The following SKAP2 variants were observed in gnomAD, a reference collection of about 807,000 sequenced individuals.
SKAP2 encodes the protein src kinase associated phosphoprotein 2, also known as src kinase-associated phosphoprotein 2.
Under a neutral mutation model 54.9 loss-of-function variants are expected in SKAP2, and 28 were observed. That is an observed-to-expected ratio of 0.51 (90% CI 0.38 to 0.70). SKAP2 has a LOEUF of 0.70. SKAP2 is among the 30% of genes least tolerant of loss of function. SKAP2 has a pLI of 0.00. For synonymous variants in SKAP2, 137 were observed against 134.3 expected (o/e 1.02, Z -0.14); for missense variants, 356 against 424.1 (o/e 0.84, Z 1.41).
intron 4 of SKAP2, among the ~76,000 whole-genome samples, chr7:26,741,845 G>A (rs570151204): frequency 4.6e-5 from 7 of 151,750 alleles, no homozygotes; most frequent in Admixed American, 1.3e-4. Context: ...ATACCATGGG[G>A]ATCACAGTAG....
At chr7:26,783,027 A>G (rs1022341740) in intron 4 of SKAP2, among the ~76,000 whole-genome samples, 1 of 152,196 alleles carries the variant, frequency 6.6e-6, no homozygotes, top group African/African-American at 2.4e-5. Flanking sequence ...CCTGAAATAC[A>G]TATGATTAAC....
At chr7:26,795,540 C>A (rs148307522) in intron 4 of SKAP2, among the ~76,000 whole-genome samples, 44 of 152,194 alleles carry the variant, frequency 2.9e-4, no homozygotes, top group African/African-American at 1.0e-3. Flanking sequence ...TAGCAAGATA[C>A]GATTCTCAGC....
intron 4 of SKAP2, among the ~76,000 whole-genome samples, chr7:26,785,866 C>T (rs1783532859): frequency 6.6e-6 from 1 of 152,182 alleles, no homozygotes; most frequent in Non-Finnish European, 1.5e-5. Flanking sequence ...CAGTAATATG[C>T]TCCATCTACC....
intron 9 of SKAP2, among the ~76,000 whole-genome samples, chr7:26,713,804 T>C (rs1584346436): frequency 6.6e-6 from 1 of 152,160 alleles, no homozygotes; most frequent in East Asian, 1.9e-4. Context: ...TTTCACTGTG[T>C]TAGCCAGGAT....
intron 4 of SKAP2, among the ~76,000 whole-genome samples, chr7:26,750,515 T>G (rs1200997324): frequency 6.6e-6 from 1 of 152,068 alleles, no homozygotes; most frequent in East Asian, 1.9e-4. Context: ...TTCACCATGT[T>G]GGCCAGGCTG....
intron 9 of SKAP2, among the ~76,000 whole-genome samples, chr7:26,717,402 T>C (rs1029846545): frequency 6.8e-6 from 1 of 148,136 alleles, no homozygotes; most frequent in Admixed American, 6.8e-5. Flanking sequence ...TCCAGCTACT[T>C]AGGAGGCTGA....
intron 4 of SKAP2, among the ~76,000 whole-genome samples, chr7:26,793,156 T>G (rs1783704748): frequency 6.6e-6 from 1 of 152,216 alleles, no homozygotes; most frequent in Admixed American, 6.5e-5. Context: ...TTCCCTAGTC[T>G]GACAGACTTA....
intron 4 of SKAP2, among the ~76,000 whole-genome samples, chr7:26,822,708 T>C (rs1009274124): frequency 5.4e-5 from 8 of 148,690 alleles, no homozygotes; most frequent in African/African-American, 2.0e-4. Context: ...ACCCCGTCTC[T>C]ACTAAAAATA....
chr7:26,693,110 T>C (rs1786821147), intron 9 of SKAP2, among the ~76,000 whole-genome samples: 1 of 152,030 alleles, frequency 6.6e-6, no homozygotes, highest in African/African-American at 2.4e-5. Flanking sequence ...GGCGGGTGGA[T>C]CACCTGAGAT....
At chr7:26,761,492 T>G (rs1318817766) in intron 4 of SKAP2, among the ~76,000 whole-genome samples, 1 of 152,220 alleles carries the variant, frequency 6.6e-6, no homozygotes, top group African/African-American at 2.4e-5. Flanking sequence ...TCAGTGGAAT[T>G]TGCTATAAAG....
chr7:26,686,356 A>G (rs1350580076), intron 10 of SKAP2, among the ~76,000 whole-genome samples: 1 of 152,078 alleles, frequency 6.6e-6, no homozygotes, highest in Non-Finnish European at 1.5e-5. Flanking sequence ...AAGGAGGAAG[A>G]GAAAGGAGGA....
intron 6 of SKAP2, among the ~76,000 whole-genome samples, chr7:26,738,076 A>G (rs1787979926): frequency 6.6e-6 from 1 of 152,170 alleles, no homozygotes; most frequent in African/African-American, 2.4e-5. Context: ...ACACCTGTGA[A>G]CAGTCACAGC....
At chr7:26,655,888 T>C in the SKAP2 span, among the ~76,000 whole-genome samples, 5 of 152,224 alleles carry the variant, frequency 3.3e-5, no homozygotes, top group African/African-American at 1.2e-4. Context: ...TATAGGGCCC[T>C]TAGTGCTGTG....
rs188062671 is a variant in SKAP2, at chr7:26,811,678, C to T, written c.307+32352G>A. On this transcript the variant is annotated intron_variant, in intron 4 of 12. Coordinates refer to ENST00000345317, the MANE Select transcript of SKAP2 (RefSeq NM_003930.5). ...TGCAGGTGATAATTGTCATAAAGCCCCACTAAGAAAACTGTCTTTTGTTAT... is the reference window on the plus strand; with the variant it reads ...TGCAGGTGATAATTGTCATAAAGCCTCACTAAGAAAACTGTCTTTTGTTAT... 9.2e-5 allele frequency among the ~76,000 whole-genome samples: 14 copies of T among 152,168 alleles called. No homozygotes were observed. The South Asian group carries it at 2.1e-3, about 23-fold the overall frequency.
At chr7:26,704,007 C>A (rs541968033) in intron 9 of SKAP2, among the ~76,000 whole-genome samples, 84 of 152,308 alleles carry the variant, frequency 5.5e-4, no homozygotes, top group Middle Eastern at 3.4e-3. Context: ...AATTAAACAG[C>A]ATTTTAACCT....
intron 4 of SKAP2, among the ~76,000 whole-genome samples, chr7:26,761,201 C>G (rs946496603): frequency 3.3e-5 from 5 of 152,170 alleles, no homozygotes; most frequent in African/African-American, 1.2e-4. Context: ...GCAATAGTCC[C>G]TCTTCCATAT....
At chr7:26,773,846 C>T (rs1783241403) in intron 4 of SKAP2, among the ~76,000 whole-genome samples, 2 of 152,072 alleles carry the variant, frequency 1.3e-5, no homozygotes, top group Admixed American at 1.3e-4. Flanking sequence ...AACACATAAA[C>T]AGAATCAAAT....
intron 9 of SKAP2, among the ~76,000 whole-genome samples, chr7:26,690,928 T>C (rs1786767849): frequency 6.6e-6 from 1 of 152,162 alleles, no homozygotes; most frequent in African/African-American, 2.4e-5. Flanking sequence ...GTTTTCTCAA[T>C]CTTCACAGGA....
chr7:26,810,274 T>C (rs1015896439), intron 4 of SKAP2, among the ~76,000 whole-genome samples: 6 of 151,308 alleles, frequency 4.0e-5, no homozygotes, highest in Middle Eastern at 3.4e-3. Context: ...TAAACTGAGA[T>C]TGCACCACTG....
Sources: gnomAD v4.1 joint callset for allele counts (sites outside exome capture counted in the v4.1 genomes callset) on GRCh38, gnomAD v4.1.1 for gene constraint, MANE v1.5 for transcripts, NCBI Gene and HGNC (gene_info 2026-07-23, HGNC 2026-07-21) for gene names.